The following PRSS56 variants were observed in gnomAD, a reference collection of about 807,000 sequenced individuals.
PRSS56 encodes the protein serine protease 56.
Under a neutral mutation model 66.8 loss-of-function variants are expected in PRSS56, and 55 were observed. The observed-to-expected ratio is 0.82, with a 90% CI of 0.66 to 1.03. PRSS56 has a LOEUF of 1.03. Ranked by LOEUF, PRSS56 falls within the 50% of genes least tolerant of loss-of-function variation. PRSS56 has a pLI of 0.00. For missense variants in PRSS56, 869 were observed against 837.2 expected, an observed-to-expected ratio of 1.04 and a Z score of -0.47; for synonymous variants, 409 against 387.9, an observed-to-expected ratio of 1.05 and a Z score of -0.64.
At position 232,524,068 on chromosome 2, in the gene PRSS56, G is replaced by A; in HGVS notation, c.1216G>A (p.Gly406Ser). ...GCGCTCGCTGGCGCACACGCTGCTGGGCCTGCTGCGGAACGCGCAGGAGCT... is the reference window on the plus strand; with the variant it reads ...GCGCTCGCTGGCGCACACGCTGCTGAGCCTGCTGCGGAACGCGCAGGAGCT... ...ELRSLAHTLLGLLRNAQELLG... is the reference protein window; with the variant it reads ...ELRSLAHTLLSLLRNAQELLG... Residue 406 changes from glycine to serine, a missense_variant, in exon 10 of 13, where the codon GGC (glycine) becomes AGC (serine). Gly to Ser is a moderately conservative substitution (Grantham distance 56). Coordinates refer to ENST00000617714, the MANE Select transcript of PRSS56 (RefSeq NM_001195129.2). 1.3e-6 allele frequency: 2 copies of A among 1,524,330 alleles called. No individual in the cohort carries two copies. The highest frequency in any genetic ancestry group is 8.8e-7 in the Non-Finnish European group (1 of 1,142,706). The allele number at this position is 1,524,330 out of a possible 1,614,324, so 94.4% of individuals were successfully genotyped here.
chr2:232,523,315 A>T, intron 7 of PRSS56, 101 bp from the exon 8 acceptor site: 6 of 1,421,502 alleles, frequency 4.2e-6, no homozygotes, highest in Non-Finnish European at 5.5e-6. Flanking sequence ...CTCTGTCCTC[A>T]TCCCTAAAAT....
intron 12 of PRSS56, 78 bp downstream of exon 12, chr2:232,524,922 C>T: frequency 8.2e-7 from 1 of 1,212,964 alleles, no homozygotes; most frequent in Non-Finnish European, 1.2e-6. Flanking sequence ...TGCAGAGGGC[C>T]CAGCCCAGAT....
In PRSS56 at chr2:232,522,712, G is replaced by C; in HGVS notation, c.557G>C (p.Arg186Pro). 1 of 1,534,216 alleles carries C rather than the reference G, an allele frequency of 6.5e-7. No individual in the cohort carries two copies. The highest frequency in any genetic ancestry group is 8.7e-7 in the Non-Finnish European group (1 of 1,145,868). ...RILPHPKFDP[R>P]TFHNDLALVQ... ...CCTCCCCCTCCTCAGTTTGACCCGC[G>C]GACCTTCCACAACGACCTGGCCCTG... Residue 186 changes from arginine (R) to proline (P), a missense_variant, in exon 6 of 13, where the codon CGG (arginine) becomes CCG (proline). Arg to Pro is a moderately radical substitution (Grantham distance 103). Around this residue, in one of 3 missense-constraint regions of PRSS56, gnomAD observed 315 missense variants for 313.7 expected, o/e 1.00. Transcript: ENST00000617714.
At chr2:232,523,642 G>C in intron 8 of PRSS56, 64 bp downstream of exon 8, 4 of 1,502,988 alleles carry the variant, frequency 2.7e-6, no homozygotes, top group Non-Finnish European at 3.5e-6. Flanking sequence ...GGACAAGCCC[G>C]TTTCCACCCG....
In PRSS56 at chr2:232,525,243, C is replaced by A. The variant is rs1481965922; in HGVS notation, c.1549C>A (p.Leu517Met). 6.6e-7 allele frequency: 1 copy of A among 1,510,564 alleles called. No individual in the cohort carries two copies. Among genetic ancestry groups the A allele is most frequent in the East Asian group, 2.5e-5 (1 of 40,478 alleles). The allele number at this position is 1,510,564 out of a possible 1,614,324, so 93.6% of individuals were successfully genotyped here. ...EVLADLGSKT[L>M]TGLFRAWVRA... ...CCTGGCAGATCTGGGCTCCAAGACA[C>A]TGACCGGGCTTTTCAGAGCCTGGGT... Residue 517 changes from leucine to methionine, a missense_variant, in exon 13 of 13, where the codon CTG (leucine) becomes ATG (methionine). This residue lies in a region of PRSS56 where 551 missense variants were observed against 506.9 expected (regional missense o/e 1.09). Transcript: ENST00000617714.
chr2:232,524,494 C>T, intron 11 of PRSS56, 125 bp downstream of exon 11: 1 of 922,448 alleles, frequency 1.1e-6, no homozygotes, highest in Non-Finnish European at 1.6e-6. Flanking sequence ...ACTCGTTCTC[C>T]CCTCCCCGCC....
Position 232,525,482 on chromosome 2 carries a change from G to A in PRSS56, c.1788G>A (p.Gln596=), listed in dbSNP as rs902753656. The change falls in exon 13 of 13, where the codon CAG becomes CAA. Residue 596 remains glutamine (Q), a synonymous_variant. Transcript: ENST00000617714. Reference sequence around the variant, plus strand: ...AGGGGCACCACCCACTCAACCCTCAGGTACCCCCCGCCAGGCAACCCTGAG... The same window carrying A: ...AGGGGCACCACCCACTCAACCCTCAAGTACCCCCCGCCAGGCAACCCTGAG... ...ERKGHHPLNP[Q]VPPARQP 6.7e-7 allele frequency: 1 copy of A among 1,502,020 alleles called. No individual in the cohort carries two copies. 93.0% of individuals were successfully genotyped at this position (1,502,020 alleles called of 1,614,324 possible). A position where few individuals can be genotyped will look rare whatever the true frequency, so the allele number is the denominator to read the frequency against.
In PRSS56 at chr2:232,522,771, T is replaced by A. The variant is rs891778933; in HGVS notation, c.616T>A (p.Ser206Thr). The change falls in exon 6 of 13, where the codon TCG becomes ACG. Residue 206 changes from serine to threonine, a missense_variant. By Grantham distance (58) the Ser-to-Thr change is moderately conservative (BLOSUM62 1). This residue lies in a region of PRSS56 where 315 missense variants were observed against 313.7 expected (regional missense o/e 1.00). Transcript: ENST00000617714. Reference sequence around the variant, plus strand: ...GTGGACGCCGGTGAGCCCGGGGGGATCGGCGCGCCCCGTGTGCCTGCCCCA... The same window carrying A: ...GTGGACGCCGGTGAGCCCGGGGGGAACGGCGCGCCCCGTGTGCCTGCCCCA... ...QLWTPVSPGG[S>T]ARPVCLPQEP... The A allele has an allele frequency of 3.2e-5, 49 of 1,525,730 alleles. No homozygotes were observed. The African/African-American group carries it at 6.5e-4, about 20-fold the overall frequency. The allele number at this position is 1,525,730 out of a possible 1,614,324, so 94.5% of individuals were successfully genotyped here. A position where few individuals can be genotyped will look rare whatever the true frequency, so the allele number is the denominator to read the frequency against.
chr2:232,522,623 G>A lies in PRSS56; in HGVS notation c.546+9G>A, dbSNP rs1253086634. The stretch of plus-strand genomic sequence containing the variant: ...TCCTGCCCCACCCCAAGGTGAGAAG[G>A]CAGTCCCCAGGCCCCCAAGGCTGGG... On this transcript the variant is annotated intron_variant, in intron 5 of 12. Coordinates refer to ENST00000617714, the MANE Select transcript of PRSS56 (RefSeq NM_001195129.2). 6 of 1,534,446 alleles carry A rather than the reference G, an allele frequency of 3.9e-6. No individual in the cohort carries two copies. In the African/African-American group the frequency reaches 4.1e-5, roughly 11 times the overall value.
intron 4 of PRSS56, 48 bp downstream of exon 4, chr2:232,522,208 G>A: frequency 2.2e-6 from 3 of 1,385,684 alleles, no homozygotes; most frequent in Admixed American, 2.9e-5. Context: ...CCGGCGCTGG[G>A]CCCCGCACCT....
rs574668935 is a variant in PRSS56, at chr2:232,525,143, G to A, written c.1522-73G>A. 2.4e-4 allele frequency: 332 copies of A among 1,378,096 alleles called. 8 individuals carry two copies. In the South Asian group the frequency reaches 4.7e-3, roughly 20 times the overall value. The allele number at this position is 1,378,096 out of a possible 1,614,324, so 85.4% of individuals were successfully genotyped here. ...TGAGAGTTTCTGGGGCCCAGGGGGA[G>A]AGGGGGTGACCTCTGGGGTTTCAAC... is the stretch of plus-strand genomic sequence containing the variant. On this transcript the variant is annotated intron_variant, in intron 12 of 12. Coordinates refer to ENST00000617714, the MANE Select transcript of PRSS56 (RefSeq NM_001195129.2).
intron 12 of PRSS56, 86 bp from the exon 13 acceptor site, chr2:232,525,130 G>C: frequency 3.0e-6 from 4 of 1,314,094 alleles, no homozygotes; most frequent in East Asian, 2.6e-5. Flanking sequence ...AGAGTTTCTG[G>C]GGCCCAGGGG....
At chr2:232,524,990 C>G in intron 12 of PRSS56, 146 bp downstream of exon 12, 1 of 641,928 alleles carries the variant, frequency 1.6e-6, no homozygotes, top group South Asian at 2.2e-5. Context: ...GTAGAGGGTC[C>G]GAGGGGAAGG....
Position 232,524,354 on chromosome 2 carries a change from C to T in PRSS56, c.1399C>T (p.Arg467Cys). 3 of 1,535,492 alleles carry T rather than the reference C, an allele frequency of 2.0e-6. No homozygotes were observed. Among genetic ancestry groups the T allele is most frequent in the Non-Finnish European group, 1.7e-6 (2 of 1,146,724 alleles). Residue 467 changes from arginine to cysteine, a missense_variant, in exon 11 of 13, where the codon CGC becomes TGC. Transcript: ENST00000617714. ...GTTCCCGAAGCGGAGGCCGGAGCCGCGCGGAGAAGCCAACGGTAATGACGC... is the reference window on the plus strand; with the variant it reads ...GTTCCCGAAGCGGAGGCCGGAGCCGTGCGGAGAAGCCAACGGTAATGACGC... ...TRFPKRRPEPRGEANGCPGLE... is the reference protein window; with the variant it reads ...TRFPKRRPEPCGEANGCPGLE...
At position 232,523,212 on chromosome 2, in the gene PRSS56, CA is replaced by C. The variant is rs1198092888; in HGVS notation, c.849+11del. ...CGTTGACTCGTGCCAGGTATGAACC[CA>C]GTCTGATGAGAAAAGGCCGGCTGAG... On this transcript the variant is annotated intron_variant, in intron 7 of 12. Coordinates refer to ENST00000617714, the MANE Select transcript of PRSS56 (RefSeq NM_001195129.2). The C allele has an allele frequency of 6.9e-7, 1 of 1,442,334 alleles. No homozygotes were observed. 89.3% of individuals were successfully genotyped at this position (1,442,334 alleles called of 1,614,324 possible).
chr2:232,524,186 A>G lies in PRSS56; in HGVS notation c.1334A>G (p.Glu445Gly). ...LRESPLHPAR[E>G]LRLHSGSRAA... Reference sequence around the variant, plus strand: ...GAGTCTCCTCTGCACCCCGCCCGGGAGCTGCGGCTTCACTCAGGTACCCCG... The same window carrying G: ...GAGTCTCCTCTGCACCCCGCCCGGGGGCTGCGGCTTCACTCAGGTACCCCG... The change falls in exon 10 of 13, where the codon GAG becomes GGG. Residue 445 changes from glutamate to glycine, a missense_variant. Transcript: ENST00000617714. The G allele has an allele frequency of 6.5e-7, 1 of 1,529,620 alleles. No homozygotes were observed. Among genetic ancestry groups the G allele is most frequent in the Non-Finnish European group, 8.7e-7 (1 of 1,143,420 alleles). 94.8% of individuals were successfully genotyped at this position (1,529,620 alleles called of 1,614,324 possible). A position where few individuals can be genotyped will look rare whatever the true frequency, so the allele number is the denominator to read the frequency against.
intron 11 of PRSS56, 76 bp downstream of exon 11, chr2:232,524,445 A>G: frequency 1.4e-6 from 2 of 1,398,146 alleles, no homozygotes; most frequent in Non-Finnish European, 9.6e-7. Flanking sequence ...CTTCTACTGC[A>G]GCTCCGGAAA....
In PRSS56 at chr2:232,525,501, C is replaced by A; in HGVS notation, c.1807C>A (p.Pro603Thr). ...LNPQVPPARQP is the reference protein window; with the variant it reads ...LNPQVPPARQT Reference sequence around the variant, plus strand: ...CCCTCAGGTACCCCCCGCCAGGCAACCCTGAGCCATGTCTGGGCCCCCAGC... The same window carrying A: ...CCCTCAGGTACCCCCCGCCAGGCAAACCTGAGCCATGTCTGGGCCCCCAGC... Residue 603 changes from proline (P) to threonine (T), a missense_variant, in exon 13 of 13, where the codon CCC becomes ACC. Pro to Thr is a conservative substitution (Grantham distance 38). Coordinates refer to ENST00000617714, the MANE Select transcript of PRSS56 (RefSeq NM_001195129.2). 6.8e-7 allele frequency: 1 copy of A among 1,477,780 alleles called. No individual in the cohort carries two copies. The highest frequency in any genetic ancestry group is 1.3e-5 in the South Asian group (1 of 77,492). 91.5% of individuals were successfully genotyped at this position (1,477,780 alleles called of 1,614,324 possible).
chr2:232,523,290 G>A lies in PRSS56; in HGVS notation c.849+88G>A, dbSNP rs879920180. 6 of 1,421,194 alleles carry A rather than the reference G, an allele frequency of 4.2e-6. No individual in the cohort carries two copies. The African/African-American group carries it at 5.8e-5, about 14-fold the overall frequency. 88.0% of individuals were successfully genotyped at this position (1,421,194 alleles called of 1,614,324 possible). A position where few individuals can be genotyped will look rare whatever the true frequency, so the allele number is the denominator to read the frequency against. ...TTCCTTCCACGTCTGTCTGTCACTCGACTTCTCTGAGCCTCTCTGTCCTCA... is the reference window on the plus strand; with the variant it reads ...TTCCTTCCACGTCTGTCTGTCACTCAACTTCTCTGAGCCTCTCTGTCCTCA... On this transcript the variant is annotated intron_variant, in intron 7 of 12. Transcript: ENST00000617714.
Sources: allele counts gnomAD v4.1 joint callset, GRCh38; gene constraint gnomAD v4.1.1; regional missense constraint gnomAD v4.1.1; transcripts MANE v1.5; gene names NCBI Gene and HGNC (gene_info 2026-07-23, HGNC 2026-07-21).